Variants in LTN1 observed in about 807,000 individuals in gnomAD.
LTN1 encodes E3 ubiquitin-protein ligase listerin.
Under a neutral mutation model 201.2 loss-of-function variants are expected in LTN1, and 88 were observed. The ratio of observed to expected loss-of-function variants is 0.44; its 90% CI spans 0.37 to 0.52. The LOEUF (loss-of-function observed/expected upper bound fraction) is 0.52. Among genes scored for constraint, LTN1 ranks in the 20% least tolerant of loss-of-function variants. The pLI is 0.00. For synonymous variants in LTN1, 645 were observed against 713.5 expected, an observed-to-expected ratio of 0.90 and a Z score of 1.53; for missense variants, 1,752 against 2,038.7, an observed-to-expected ratio of 0.86 and a Z score of 2.71.
chr21:28,983,301 A>G (rs1159349792), intron 4 of LTN1, among the ~76,000 whole-genome samples: 1 of 152,266 alleles, frequency 6.6e-6, no homozygotes, highest in East Asian at 1.9e-4. Flanking sequence ...TCTAAAGCCT[A>G]TGAAGAGCCA....
At chr21:28,950,662 C>T (rs904935257) in intron 18 of LTN1, among the ~76,000 whole-genome samples, 2 of 152,038 alleles carry the variant, frequency 1.3e-5, no homozygotes, top group Admixed American at 6.5e-5. Flanking sequence ...ACTACAGGTG[C>T]ACACCACCAC....
At chr21:28,977,868 C>T (rs1041449442) in intron 6 of LTN1, among the ~76,000 whole-genome samples, 53 of 151,618 alleles carry the variant, frequency 3.5e-4, no homozygotes, top group African/African-American at 1.2e-3. Context: ...GTAGAGGTTG[C>T]AGTGAGCTGA....
Position 28,928,408 on chromosome 21 carries a change from A to G in LTN1, c.*2040T>C, listed in dbSNP as rs2084185680. On this transcript the variant is annotated 3_prime_UTR_variant, in exon 30 of 30. Coordinates refer to ENST00000361371, the MANE Select transcript of LTN1 (RefSeq NM_015565.3). Reference sequence around the variant, plus strand: ...CATACATTGGAGCATGTGATAAAAGAGTCAAAAATAAATTTTAAAATTTGC... The same window carrying G: ...CATACATTGGAGCATGTGATAAAAGGGTCAAAAATAAATTTTAAAATTTGC... 1 of 152,376 alleles carries G rather than the reference A, an allele frequency of 6.6e-6. No individual in the cohort carries two copies. The highest frequency in any genetic ancestry group is 1.5e-5 in the Non-Finnish European group (1 of 68,018). The allele number at this position is 152,376 out of a possible 1,614,324, so 9.4% of individuals were successfully genotyped here. A position where few individuals can be genotyped will look rare whatever the true frequency, so the allele number is the denominator to read the frequency against.
At chr21:28,975,714 G>A (rs956703072) in intron 6 of LTN1, among the ~76,000 whole-genome samples, 24 of 152,186 alleles carry the variant, frequency 1.6e-4, no homozygotes, top group Non-Finnish European at 2.8e-4. Flanking sequence ...AAATTAAAAC[G>A]GCTGACAATA....
At position 28,931,196 on chromosome 21, in the gene LTN1, C is replaced by CT. The variant is rs2084208481; in HGVS notation, c.5196dup (p.Ala1733SerfsTer3). 2 of 1,613,224 alleles carry CT rather than the reference C, an allele frequency of 1.2e-6. No homozygotes were observed. The highest frequency in any genetic ancestry group is 8.5e-7 in the Non-Finnish European group (1 of 1,179,700). ...AATTTTTTCTTGCATGTTCTACAGG[C>CT]TTTTTTGGGAAGGGAATAGTTGAAA... On this transcript the variant is annotated frameshift_variant, in exon 29 of 30. Transcript: ENST00000361371. LOFTEE classifies it high-confidence loss of function.
At position 28,986,287 on chromosome 21, in the gene LTN1, C is replaced by T. The variant is rs2084698020; in HGVS notation, c.247-50G>A. ...TAGGATTAACAACCATAATAACTGG[C>T]TATAGATTATTCTGTTCTGGAAGCT... On this transcript the variant is annotated intron_variant, in intron 2 of 29. Coordinates refer to ENST00000361371, the MANE Select transcript of LTN1 (RefSeq NM_015565.3). This position sits in a 1 kb window ranked among gnomAD's most constrained non-coding sequence, Gnocchi z 4.1. 1 of 1,063,534 alleles carries T rather than the reference C, an allele frequency of 9.4e-7. No individual in the cohort carries two copies. The highest frequency in any genetic ancestry group is 1.4e-6 in the Non-Finnish European group (1 of 693,774). 65.9% of individuals were successfully genotyped at this position (1,063,534 alleles called of 1,614,324 possible). A position where few individuals can be genotyped will look rare whatever the true frequency, so the allele number is the denominator to read the frequency against.
chr21:28,940,244 AT>A (rs2084286754), intron 25 of LTN1, among the ~76,000 whole-genome samples: 1 of 152,182 alleles, frequency 6.6e-6, no homozygotes, highest in Non-Finnish European at 1.5e-5. Context: ...CAGTGGCATG[AT>A]CTCAGCTCAC....
At chr21:28,989,971 CTG>C (rs1407377379) in intron 1 of LTN1, among the ~76,000 whole-genome samples, 2 of 149,994 alleles carry the variant, frequency 1.3e-5, no homozygotes, top group African/African-American at 4.9e-5. Flanking sequence ...ACCCGAGACT[CTG>C]TCTCAAAAAA....
At chr21:28,956,316 C>T (rs2084425302) in intron 16 of LTN1, among the ~76,000 whole-genome samples, 2 of 152,122 alleles carry the variant, frequency 1.3e-5, no homozygotes, top group African/African-American at 4.8e-5. Context: ...GATGGATATC[C>T]TGCTTAGCCT....
At chr21:28,948,244 C>A (rs1464623813) in intron 18 of LTN1, among the ~76,000 whole-genome samples, 1 of 149,342 alleles carries the variant, frequency 6.7e-6, no homozygotes, top group African/African-American at 2.5e-5. Context: ...ATAAATAGTA[C>A]CAGTTGTGTG....
Position 28,986,889 on chromosome 21 carries a change from C to T in LTN1, c.88G>A (p.Gly30Arg). ...AAACCAATAAATCCAGGCACTGTTC[C>T]CTGTTCTTTGGCAAGGAGTTCTGCA... ...RAAELLAKEQ[G>R]TVPGFIGFGT... The change falls in exon 2 of 30, where the codon GGA becomes AGA. Residue 30 changes from glycine to arginine, a missense_variant. Transcript: ENST00000361371. This position sits in a 1 kb window ranked among gnomAD's most constrained non-coding sequence, Gnocchi z 4.1. The T allele has an allele frequency of 6.2e-7, 1 of 1,614,108 alleles. No individual in the cohort carries two copies. The highest frequency in any genetic ancestry group is 1.1e-5 in the South Asian group (1 of 91,084).
At chr21:28,978,908 G>A (rs1288668059) in intron 6 of LTN1, among the ~76,000 whole-genome samples, 1 of 152,236 alleles carries the variant, frequency 6.6e-6, no homozygotes, top group Non-Finnish European at 1.5e-5. Flanking sequence ...TCCAGTTAAA[G>A]AGAGATATCA....
chr21:28,941,340 C>T lies in LTN1; in HGVS notation c.4362G>A (p.Gly1454=), dbSNP rs2084295872. The T allele has an allele frequency of 5.6e-6, 9 of 1,613,300 alleles. No individual in the cohort carries two copies. The highest frequency in any genetic ancestry group is 4.4e-5 in the South Asian group (4 of 91,036). ...TAACTATCTGTCCAACAGGAATACA[C>T]CCCAAAACATTTTCTAGTAAGTCCT... ...IQEDLLENVL[G]CIPVGQIVTI... Residue 1454 remains glycine, a synonymous_variant, in exon 25 of 30, where the codon GGG becomes GGA. Coordinates refer to ENST00000361371, the MANE Select transcript of LTN1 (RefSeq NM_015565.3).
rs767249437 is a variant in LTN1, at chr21:28,959,436, C to T, written c.2593+22G>A. On this transcript the variant is annotated intron_variant, in intron 13 of 29. Coordinates refer to ENST00000361371, the MANE Select transcript of LTN1 (RefSeq NM_015565.3). ...TCAGAGCCGGAGATTCCCAACAAAA[C>T]ATTTGAGCAGTAGGCTATTACCTGG... 3.7e-6 allele frequency: 6 copies of T among 1,604,780 alleles called. No homozygotes were observed. In the East Asian group the frequency reaches 1.1e-4, roughly 30 times the overall value.
chr21:28,935,534 G>C (rs980203987), intron 26 of LTN1, among the ~76,000 whole-genome samples: 1 of 152,064 alleles, frequency 6.6e-6, no homozygotes, highest in African/African-American at 2.4e-5. Flanking sequence ...AATGGCAAAA[G>C]AATTTTTTTT....
chr21:28,931,260 A>G lies in LTN1; in HGVS notation c.5133T>C (p.Gly1711=). The change falls in exon 29 of 30, where the codon GGT becomes GGC. Residue 1711 remains glycine, a synonymous_variant. Transcript: ENST00000361371. ...WKNNVDKRFE[G]VEDCMICFSV... is the part of the protein sequence containing the mutation. ...AGAAACAGATCATGCAATCTTCAAC[A>G]CCCTCAAAACGTTTGTCTACGTTAT... is the stretch of plus-strand genomic sequence containing the variant. 3 of 1,613,100 alleles carry G rather than the reference A, an allele frequency of 1.9e-6. No individual in the cohort carries two copies. The highest frequency in any genetic ancestry group is 2.5e-6 in the Non-Finnish European group (3 of 1,179,178).
intron 4 of LTN1, among the ~76,000 whole-genome samples, chr21:28,983,624 TCAAGA>T (rs2084675358): frequency 1.3e-5 from 2 of 152,174 alleles, no homozygotes; most frequent in Admixed American, 6.5e-5. Flanking sequence ...GCCTTGTATG[TCAAGA>T]CAAGAAATTT....
At position 28,986,978 on chromosome 21, in the gene LTN1, G is replaced by GT; in HGVS notation, c.43-45dup. 1 of 1,327,146 alleles carries GT rather than the reference G, an allele frequency of 7.5e-7. No homozygotes were observed. The highest frequency in any genetic ancestry group is 1.1e-6 in the Non-Finnish European group (1 of 922,424). The allele number at this position is 1,327,146 out of a possible 1,614,324, so 82.2% of individuals were successfully genotyped here. A position where few individuals can be genotyped will look rare whatever the true frequency, so the allele number is the denominator to read the frequency against. Reference sequence around the variant, plus strand: ...AGAAAAAAGTCAGAGTCCAGGAAGGGTTCAAAACTTAACTTTATAATTCCT... The same window carrying GT: ...AGAAAAAAGTCAGAGTCCAGGAAGGGTTTCAAAACTTAACTTTATAATTCCT... On this transcript the variant is annotated intron_variant, in intron 1 of 29. Transcript: ENST00000361371. The surrounding 1 kb of genome is among the most constrained non-coding windows in gnomAD (Gnocchi z 4.1).
In LTN1 at chr21:28,945,869, A is replaced by C. The variant is rs553194019; in HGVS notation, c.3706T>G (p.Ser1236Ala). ...RFLSLFLKYC[S>A]SPLAESEWDF... ...CACTCACTCTCTGCCAAAGGGGATG[A>C]GCAGTATTTCAGAAATAGGGAAAGA... The change falls in exon 21 of 30, where the codon TCA (serine) becomes GCA (alanine). Residue 1236 changes from serine to alanine, a missense_variant. By Grantham distance (99) the Ser-to-Ala change is moderately conservative (BLOSUM62 1). Coordinates refer to ENST00000361371, the MANE Select transcript of LTN1 (RefSeq NM_015565.3). The C allele has an allele frequency of 5.6e-6, 9 of 1,613,926 alleles. No homozygotes were observed. The East Asian group carries it at 2.0e-4, about 36-fold the overall frequency.
Sources: gnomAD v4.1 joint callset for allele counts (sites outside exome capture counted in the v4.1 genomes callset) on GRCh38, gnomAD v4.1.1 for gene constraint, Gnocchi (gnomAD v3.1) non-coding constraint, MANE v1.5 for transcripts, NCBI Gene and HGNC (gene_info 2026-07-23, HGNC 2026-07-21) for gene names.